Variants in NRG3 observed in about 807,000 individuals in gnomAD.
The protein encoded by NRG3 is pro-neuregulin-3, membrane-bound isoform.
Under a neutral mutation model 66.9 loss-of-function variants are expected in NRG3, and 31 were observed. The ratio of observed to expected loss-of-function variants is 0.46; its 90% CI spans 0.35 to 0.63. The LOEUF is 0.63. NRG3 is among the 20% of genes least tolerant of loss of function. The probability of loss-of-function intolerance (pLI) is 0.00; values close to 1 mark genes in which losing one functional copy is unlikely to be tolerated. For synonymous variants in NRG3, 393 were observed against 359.4 expected (o/e 1.09, Z -1.06); for missense variants, 910 against 878.9 (o/e 1.04, Z -0.45).
At position 81,924,369 on chromosome 10, in the gene NRG3, A is replaced by G. The variant is rs183006977; in HGVS notation, c.823+48206A>G. Among the ~76,000 whole-genome samples, 490 of 152,380 alleles carry G rather than the reference A, an allele frequency of 3.2e-3. 3 individuals carry two copies. Among genetic ancestry groups the G allele is most frequent in the African/African-American group, 0.011 (453 of 41,594 alleles). On this transcript the variant is annotated intron_variant, in intron 1 of 8. Coordinates refer to ENST00000372141, the MANE Select transcript of NRG3 (RefSeq NM_001010848.4). The stretch of plus-strand genomic sequence containing the variant: ...GTTACACCACAATGTAAATAAAAGC[A>G]TTTAGAAAGACAGTTGTCTGAACTT...
chr10:82,767,669 T>C (rs1411572614), intron 3 of NRG3, among the ~76,000 whole-genome samples: 1 of 152,108 alleles, frequency 6.6e-6, no homozygotes, highest in East Asian at 1.9e-4. Flanking sequence ...ATTTCTTTTA[T>C]TTATTGAGAA....
chr10:82,451,552 A>G (rs976101378), intron 2 of NRG3, among the ~76,000 whole-genome samples: 1 of 152,210 alleles, frequency 6.6e-6, no homozygotes, highest in Admixed American at 6.5e-5. Flanking sequence ...CCATTTCACA[A>G]AACAAAGCAG....
intron 1 of NRG3, among the ~76,000 whole-genome samples, chr10:82,138,312 A>G (rs1263711488): frequency 1.3e-5 from 2 of 152,150 alleles, no homozygotes; most frequent in African/African-American, 4.8e-5. Context: ...CAAAGGTAGG[A>G]TACATTTAAT....
chr10:82,192,534 G>C (rs908889208), intron 1 of NRG3, among the ~76,000 whole-genome samples: 1 of 152,118 alleles, frequency 6.6e-6, no homozygotes, highest in African/African-American at 2.4e-5. Flanking sequence ...GAGCTGACCT[G>C]TGGACACATT....
At chr10:82,539,969 C>A (rs946818220) in intron 2 of NRG3, among the ~76,000 whole-genome samples, 1 of 151,768 alleles carries the variant, frequency 6.6e-6, no homozygotes, top group Admixed American at 6.6e-5. Context: ...TAATCAACTA[C>A]TTTTGACTAA....
chr10:82,232,837 G>C (rs1185820804), intron 1 of NRG3: 6 of 717,282 alleles, frequency 8.4e-6, no homozygotes, highest in Non-Finnish European at 1.6e-5. Context: ...GTAAGGCATG[G>C]CCTTTGTTGG....
chr10:82,685,697 C>G (rs2134159851), intron 2 of NRG3, among the ~76,000 whole-genome samples: 1 of 152,216 alleles, frequency 6.6e-6, no homozygotes, highest in South Asian at 2.1e-4. Context: ...GTTTAAAATA[C>G]ACATTGTACA....
chr10:82,466,547 C>T (rs1337808476), intron 2 of NRG3, among the ~76,000 whole-genome samples: 1 of 152,062 alleles, frequency 6.6e-6, no homozygotes, highest in Non-Finnish European at 1.5e-5. Context: ...TAAAGGTAAA[C>T]AGGTAGGCAG....
intron 2 of NRG3, among the ~76,000 whole-genome samples, chr10:82,664,671 T>C (rs1565180203): frequency 6.6e-6 from 1 of 152,008 alleles, no homozygotes; most frequent in East Asian, 1.9e-4. Context: ...ACTCATAAAA[T>C]TTGATGGAAT....
At chr10:82,358,907 T>C (rs1244162718) in intron 2 of NRG3, 39 bp downstream of exon 2, 1 of 1,613,282 alleles carries the variant, frequency 6.2e-7, no homozygotes. Flanking sequence ...GGCAGGCCCG[T>C]TGCAAGGCGT....
At chr10:82,531,735 A>T (rs909256114) in intron 2 of NRG3, among the ~76,000 whole-genome samples, 1 of 151,896 alleles carries the variant, frequency 6.6e-6, no homozygotes, top group African/African-American at 2.4e-5. Context: ...ATTTTTTAAA[A>T]TAACGTATTT....
In NRG3 at chr10:82,682,099, T is replaced by C. The variant is rs115801581; in HGVS notation, c.954-56478T>C. Among the ~76,000 whole-genome samples the C allele has an allele frequency of 8.0e-3, 1,219 of 152,290 alleles. 10 individuals are homozygous for C. The highest frequency in any genetic ancestry group is 0.027 in the African/African-American group (1,141 of 41,556). ...GAGAGCCATAGAATCAGAAGAAAAT[T>C]TGGAGAATAAAAGGTTCAGAAAGGT... On this transcript the variant is annotated intron_variant, in intron 2 of 8. Coordinates refer to ENST00000372141, the MANE Select transcript of NRG3 (RefSeq NM_001010848.4).
At chr10:82,561,787 A>G (rs2045061761) in intron 2 of NRG3, among the ~76,000 whole-genome samples, 1 of 152,162 alleles carries the variant, frequency 6.6e-6, no homozygotes, top group Admixed American at 6.5e-5. Flanking sequence ...GCAGACTTGC[A>G]TGTGTAAAAT....
At chr10:82,149,827 C>T (rs1163404328) in intron 1 of NRG3, among the ~76,000 whole-genome samples, 1 of 151,970 alleles carries the variant, frequency 6.6e-6, no homozygotes, top group Non-Finnish European at 1.5e-5. Context: ...TGAGAAAGCC[C>T]TTGTCCACAG....
At chr10:82,821,300 C>A (rs2061942702) in intron 3 of NRG3, among the ~76,000 whole-genome samples, 1 of 152,124 alleles carries the variant, frequency 6.6e-6, no homozygotes, top group Admixed American at 6.5e-5. Context: ...TTCCTCTCAA[C>A]TGCATAACAG....
chr10:82,154,534 T>C (rs1237491971), intron 1 of NRG3, among the ~76,000 whole-genome samples: 1 of 151,858 alleles, frequency 6.6e-6, no homozygotes, highest in Non-Finnish European at 1.5e-5. Flanking sequence ...TGCTCAAGAT[T>C]GCTTTGGCTA....
chr10:82,899,162 T>A (rs550603905), intron 4 of NRG3, among the ~76,000 whole-genome samples: 2 of 152,264 alleles, frequency 1.3e-5, no homozygotes, highest in East Asian at 3.9e-4. Flanking sequence ...GTCAAAGTCA[T>A]AGATAGCCAT....
chr10:82,168,322 T>A (rs2072269952), intron 1 of NRG3, among the ~76,000 whole-genome samples: 1 of 152,076 alleles, frequency 6.6e-6, no homozygotes, highest in Non-Finnish European at 1.5e-5. Context: ...ATTTGGCTTC[T>A]CTCTTGGAAG....
At chr10:81,915,156 C>G (rs553985141) in intron 1 of NRG3, among the ~76,000 whole-genome samples, 34 of 152,282 alleles carry the variant, frequency 2.2e-4, no homozygotes, top group African/African-American at 8.2e-4. Context: ...TGTGGCAACA[C>G]TGGGATGTGT....
Sources: allele counts gnomAD v4.1 joint callset (sites outside exome capture counted in the v4.1 genomes callset), GRCh38; gene constraint gnomAD v4.1.1; transcripts MANE v1.5; gene names NCBI Gene and HGNC (gene_info 2026-07-23, HGNC 2026-07-21).